RIT2: variants seen among roughly 807,000 people sequenced by gnomAD.
RIT2 encodes the protein Ras like without CAAX 2, also known as GTP-binding protein Rit2.
In RIT2, 24 loss-of-function variants were observed where a neutral mutation model predicts 23.7. The observed-to-expected ratio is 1.01, with a 90% confidence interval of 0.73 to 1.43. The LOEUF is 1.43. RIT2 is among the 40% of genes most tolerant of loss of function. RIT2 has a pLI of 0.00. For synonymous variants in RIT2, 107 were observed against 91.1 expected (o/e 1.17, Z -0.99); for missense variants, 236 against 266.9 (o/e 0.88, Z 0.81).
chr18:42,886,174 T>C (rs1457852462), intron 4 of RIT2, among the ~76,000 whole-genome samples: 2 of 152,218 alleles, frequency 1.3e-5, no homozygotes, highest in Non-Finnish European at 2.9e-5. Context: ...ATTTTTAAAG[T>C]GTAAATTTTG....
intron 1 of RIT2, among the ~76,000 whole-genome samples, chr18:43,113,973 G>C (rs1598790804): frequency 6.6e-6 from 1 of 151,910 alleles, no homozygotes; most frequent in African/African-American, 2.4e-5. Context: ...CTGGATTCTT[G>C]TAAAGTATAA....
chr18:42,750,377 G>A (rs1019003916), intron 4 of RIT2, among the ~76,000 whole-genome samples: 2 of 151,732 alleles, frequency 1.3e-5, no homozygotes, highest in African/African-American at 4.8e-5. Context: ...GATTTTTGGT[G>A]AGTTCATGTT....
At chr18:42,950,327 A>G (rs946413323) in intron 3 of RIT2, among the ~76,000 whole-genome samples, 1 of 152,130 alleles carries the variant, frequency 6.6e-6, no homozygotes, top group African/African-American at 2.4e-5. Context: ...TGGTGCTGAG[A>G]GAGCTGGCTA....
At chr18:42,816,069 C>T (rs1289464941) in intron 4 of RIT2, among the ~76,000 whole-genome samples, 1 of 151,674 alleles carries the variant, frequency 6.6e-6, no homozygotes, top group Admixed American at 6.6e-5. Flanking sequence ...TCAGCTGATA[C>T]GTCCTTTGGA....
intron 2 of RIT2, among the ~76,000 whole-genome samples, chr18:43,024,499 C>T (rs531805800): frequency 6.6e-6 from 1 of 151,986 alleles, no homozygotes; most frequent in South Asian, 2.1e-4. Context: ...GGACATTAGC[C>T]TTGGCAAGTA....
chr18:43,030,359 G>T (rs1372250690), intron 2 of RIT2, among the ~76,000 whole-genome samples: 1 of 151,974 alleles, frequency 6.6e-6, no homozygotes, highest in African/African-American at 2.4e-5. Context: ...AAATATGGAT[G>T]AAAATGCTGT....
chr18:42,922,937 A>G (rs1160513588), intron 4 of RIT2, among the ~76,000 whole-genome samples: 4 of 152,096 alleles, frequency 2.6e-5, no homozygotes, highest in African/African-American at 9.7e-5. Flanking sequence ...TGTTTTGATC[A>G]TCTATTGCTG....
At chr18:42,920,420 G>T (rs540329508) in intron 4 of RIT2, among the ~76,000 whole-genome samples, 1 of 152,080 alleles carries the variant, frequency 6.6e-6, no homozygotes, top group African/African-American at 2.4e-5. Flanking sequence ...TTGGTCTTGC[G>T]GTGAGGATTA....
intron 4 of RIT2, among the ~76,000 whole-genome samples, chr18:42,834,543 T>C (rs1568008213): frequency 6.6e-6 from 1 of 152,066 alleles, no homozygotes; most frequent in Non-Finnish European, 1.5e-5. Context: ...TCTGTCTCTC[T>C]CTAAAACACA....
intron 1 of RIT2, among the ~76,000 whole-genome samples, chr18:43,065,704 T>A (rs1912756115): frequency 6.6e-6 from 1 of 152,148 alleles, no homozygotes; most frequent in Non-Finnish European, 1.5e-5. Flanking sequence ...TATTGAAAAT[T>A]GTGTGGTAAC....
rs185591053 is a variant in RIT2, at chr18:43,065,732, C to T, written c.104-31865G>A. ...GTGGTAACAAAACTAAGACAAAGAT[C>T]GTAGAACTAGGTAACTCCCACTTAT... On this transcript the variant is annotated intron_variant, in intron 1 of 4. Coordinates refer to ENST00000326695, the MANE Select transcript of RIT2 (RefSeq NM_002930.4). 1.6e-3 allele frequency among the ~76,000 whole-genome samples: 249 copies of T among 152,096 alleles called. 1 individual carries two copies. The highest frequency in any genetic ancestry group is 5.6e-3 in the African/African-American group (232 of 41,500).
intron 4 of RIT2, among the ~76,000 whole-genome samples, chr18:42,916,703 C>T (rs527255329): frequency 3.9e-5 from 6 of 152,086 alleles, no homozygotes; most frequent in Middle Eastern, 3.4e-3. Context: ...TTTATTGAGG[C>T]GCTACTCTGT....
intron 4 of RIT2, among the ~76,000 whole-genome samples, chr18:42,828,400 GACTAA>G (rs1452964139): frequency 3.3e-4 from 51 of 152,288 alleles, no homozygotes; most frequent in African/African-American, 1.2e-3. Context: ...CCACTTAGGT[GACTAA>G]ATTGTTTAAA....
intron 3 of RIT2, among the ~76,000 whole-genome samples, chr18:42,947,087 A>G (rs1445677905): frequency 6.6e-6 from 1 of 152,116 alleles, no homozygotes; most frequent in Non-Finnish European, 1.5e-5. Flanking sequence ...TTTCCAACTA[A>G]GCAATTGGGA....
At chr18:42,877,011 A>G (rs588304) in intron 4 of RIT2, among the ~76,000 whole-genome samples, 84,215 of 151,568 alleles carry the variant, frequency 0.56, 26,654 homozygotes, top group African/African-American at 0.86. Context: ...AATGGCACGG[A>G]GAATTAGCCA....
intron 2 of RIT2, among the ~76,000 whole-genome samples, chr18:42,982,603 T>C (rs1284276520): frequency 2.0e-5 from 3 of 152,140 alleles, no homozygotes; most frequent in African/African-American, 7.2e-5. Flanking sequence ...AGTTATCCCA[T>C]TATTGTAATT....
intron 4 of RIT2, among the ~76,000 whole-genome samples, chr18:42,914,167 G>T (rs919850180): frequency 6.6e-6 from 1 of 152,040 alleles, no homozygotes; most frequent in African/African-American, 2.4e-5. Flanking sequence ...ATGAAAACTA[G>T]TGATAATATC....
Position 42,912,475 on chromosome 18 carries a change from C to T in RIT2, c.426+11097G>A, listed in dbSNP as rs375867448. Among the ~76,000 whole-genome samples the T allele has an allele frequency of 1.2e-4, 18 of 151,916 alleles. No individual in the cohort carries two copies. The East Asian group carries it at 2.3e-3, about 20-fold the overall frequency. ...AGATACACAGATGAGAAAGAAACAACTAAAACTCTCTATTTACAAATCACA... is the reference window on the plus strand; with the variant it reads ...AGATACACAGATGAGAAAGAAACAATTAAAACTCTCTATTTACAAATCACA... On this transcript the variant is annotated intron_variant, in intron 4 of 4. Transcript: ENST00000326695.
At chr18:43,026,654 C>T (rs1327957223) in intron 2 of RIT2, among the ~76,000 whole-genome samples, 2 of 145,352 alleles carry the variant, frequency 1.4e-5, no homozygotes, top group Admixed American at 6.8e-5. Context: ...GAAGGAAAGG[C>T]TGTAGATGAA....
Sources: allele counts gnomAD v4.1 joint callset (sites outside exome capture counted in the v4.1 genomes callset), GRCh38; gene constraint gnomAD v4.1.1; transcripts MANE v1.5; gene names NCBI Gene and HGNC (gene_info 2026-07-23, HGNC 2026-07-21).